Variants in RNF180 observed in about 807,000 individuals in gnomAD.
The protein encoded by RNF180 is E3 ubiquitin-protein ligase RNF180.
A neutral mutation model predicts 59.2 loss-of-function variants in RNF180; 38 were observed. The ratio of observed to expected loss-of-function variants is 0.64; its 90% CI spans 0.50 to 0.84. RNF180 has a LOEUF of 0.84. RNF180 is among the 40% of genes least tolerant of loss of function. The pLI is 0.00. For missense variants in RNF180, 705 were observed against 700.9 expected (o/e 1.01, Z -0.07); for synonymous variants, 262 against 240.3 (o/e 1.09, Z -0.84).
At chr5:64,180,751 G>A (rs1017029362) in intron 1 of RNF180, among the ~76,000 whole-genome samples, 2 of 152,016 alleles carry the variant, frequency 1.3e-5, no homozygotes, top group African/African-American at 2.4e-5. Flanking sequence ...TTCTACCAAC[G>A]GCAAAATGGA....
intron 1 of RNF180, among the ~76,000 whole-genome samples, chr5:64,192,318 G>A (rs928959950): frequency 6.6e-6 from 1 of 152,046 alleles, no homozygotes; most frequent in Admixed American, 6.6e-5. Context: ...GGGTTGGCCA[G>A]GATGTAGAGA....
intron 7 of RNF180, among the ~76,000 whole-genome samples, chr5:64,345,581 T>G (rs1745521146): frequency 6.6e-6 from 1 of 152,182 alleles, no homozygotes; most frequent in Non-Finnish European, 1.5e-5. Context: ...AAGCAATTTC[T>G]TAGTGAAATT....
chr5:64,329,438 A>T (rs1374509166), intron 6 of RNF180, among the ~76,000 whole-genome samples: 9 of 146,536 alleles, frequency 6.1e-5, no homozygotes, highest in Admixed American at 2.0e-4. Flanking sequence ...CATTAGTTAG[A>T]TTTTTTTTCT....
At chr5:64,339,543 G>T (rs1745276256) in intron 7 of RNF180, among the ~76,000 whole-genome samples, 1 of 152,100 alleles carries the variant, frequency 6.6e-6, no homozygotes, top group South Asian at 2.1e-4. Flanking sequence ...CATATAAGAT[G>T]CCATCTATGC....
intron 5 of RNF180, among the ~76,000 whole-genome samples, chr5:64,311,444 GA>G (rs368660267): frequency 1.3e-4 from 20 of 151,330 alleles, no homozygotes; most frequent in African/African-American, 4.6e-4. Context: ...CTCCAGGTAG[GA>G]AAAAAAATAG....
chr5:64,190,902 C>G (rs953086135), intron 1 of RNF180, among the ~76,000 whole-genome samples: 1 of 152,152 alleles, frequency 6.6e-6, no homozygotes, highest in Non-Finnish European at 1.5e-5. Context: ...TTTAAGCCCC[C>G]TAGTCTGTGG....
chr5:64,207,583 T>A (rs564265106), intron 2 of RNF180, among the ~76,000 whole-genome samples: 1 of 152,264 alleles, frequency 6.6e-6, no homozygotes, highest in African/African-American at 2.4e-5. Context: ...TGGGAGGAAG[T>A]AACATGACTT....
At chr5:64,256,639 G>A (rs1178319559) in intron 5 of RNF180, among the ~76,000 whole-genome samples, 1 of 152,152 alleles carries the variant, frequency 6.6e-6, no homozygotes, top group African/African-American at 2.4e-5. Context: ...GTAGCGTGAT[G>A]CCTCCAGCTT....
chr5:64,369,746 T>C lies in RNF180; in HGVS notation c.1711T>C (p.Tyr571His). Residue 571 changes from tyrosine to histidine, a missense_variant, in exon 8 of 8, where the codon TAT becomes CAT. Coordinates refer to ENST00000389100, the MANE Select transcript of RNF180 (RefSeq NM_001113561.2). ...CATGGATATGGTGATCATATATATTTATTCAGTGAACTGGGTCATTGGATT... is the reference window on the plus strand; with the variant it reads ...CATGGATATGGTGATCATATATATTCATTCAGTGAACTGGGTCATTGGATT... ...FDMDMVIIYI[Y>H]SVNWVIGFIV... The C allele has an allele frequency of 6.5e-7, 1 of 1,541,092 alleles. No individual in the cohort carries two copies. The highest frequency in any genetic ancestry group is 2.1e-5 in the Admixed American group (1 of 48,068).
At chr5:64,344,069 G>T (rs1301735030) in intron 7 of RNF180, among the ~76,000 whole-genome samples, 1 of 151,736 alleles carries the variant, frequency 6.6e-6, no homozygotes, top group Non-Finnish European at 1.5e-5. Context: ...CAGCCAAACT[G>T]CTGAAACCCA....
intron 5 of RNF180, among the ~76,000 whole-genome samples, chr5:64,304,915 C>T (rs1743351463): frequency 6.6e-6 from 1 of 151,572 alleles, no homozygotes; most frequent in Non-Finnish European, 1.5e-5. Context: ...ACAGGCACTC[C>T]TTCCTCCAGC....
intron 1 of RNF180, among the ~76,000 whole-genome samples, chr5:64,183,811 C>T (rs1290030694): frequency 6.6e-6 from 1 of 152,104 alleles, no homozygotes; most frequent in African/African-American, 2.4e-5. Flanking sequence ...GTTATCAAAC[C>T]ACATATGATG....
intron 3 of RNF180, among the ~76,000 whole-genome samples, chr5:64,213,198 C>A (rs1040797237): frequency 6.6e-6 from 1 of 152,166 alleles, no homozygotes; most frequent in Admixed American, 6.5e-5. Flanking sequence ...TGAGATTTTA[C>A]TTGCAAATTA....
intron 1 of RNF180, among the ~76,000 whole-genome samples, chr5:64,177,246 C>T (rs371711110): frequency 5.3e-5 from 8 of 151,984 alleles, no homozygotes; most frequent in South Asian, 2.1e-4. Flanking sequence ...TACACATTCC[C>T]GACTTAGTGT....
chr5:64,290,251 T>G (rs1173771382), intron 5 of RNF180, among the ~76,000 whole-genome samples: 2 of 152,162 alleles, frequency 1.3e-5, no homozygotes, highest in East Asian at 3.9e-4. Flanking sequence ...AAGACTGTTA[T>G]GATTTCAATT....
intron 5 of RNF180, among the ~76,000 whole-genome samples, chr5:64,235,693 C>G (rs919871631): frequency 6.6e-6 from 1 of 152,090 alleles, no homozygotes; most frequent in African/African-American, 2.4e-5. Context: ...GAGGGGATTA[C>G]AGGGTGGGAC....
intron 1 of RNF180, among the ~76,000 whole-genome samples, chr5:64,171,774 A>G (rs1375020624): frequency 6.6e-6 from 1 of 152,204 alleles, no homozygotes; most frequent in East Asian, 1.9e-4. Context: ...GAACTTGGAA[A>G]GGAAATTATA....
intron 1 of RNF180, among the ~76,000 whole-genome samples, chr5:64,169,684 G>A (rs1282267789): frequency 2.6e-5 from 4 of 152,066 alleles, no homozygotes; most frequent in African/African-American, 7.2e-5. Context: ...CTATAATACC[G>A]GAATTTATCC....
At chr5:64,332,636 A>G (rs913855384) in intron 7 of RNF180, among the ~76,000 whole-genome samples, 1 of 152,238 alleles carries the variant, frequency 6.6e-6, no homozygotes, top group African/African-American at 2.4e-5. Flanking sequence ...AGGTAATGCA[A>G]TATCTAATAC....
Sources: allele counts gnomAD v4.1 joint callset (sites outside exome capture counted in the v4.1 genomes callset), GRCh38; gene constraint gnomAD v4.1.1; transcripts MANE v1.5; gene names NCBI Gene and HGNC (gene_info 2026-07-23, HGNC 2026-07-21).